Variants in CDH12 observed in about 807,000 individuals in gnomAD.
CDH12 encodes cadherin 12, also known as cadherin-12.
A neutral mutation model predicts 74.1 loss-of-function variants in CDH12; 41 were observed. The observed-to-expected ratio is 0.55, with a 90% CI of 0.43 to 0.72. The LOEUF is 0.72. Ranked by LOEUF, CDH12 falls within the 30% of genes least tolerant of loss-of-function variation. CDH12 has a pLI of 0.00. For synonymous variants in CDH12, 399 were observed against 355.0 expected (o/e 1.12, Z -1.39); for missense variants, 945 against 977.2 (o/e 0.97, Z 0.44).
intron 2 of CDH12, among the ~76,000 whole-genome samples, chr5:22,439,364 A>C (rs558460856): frequency 1.3e-5 from 2 of 152,184 alleles, no homozygotes; most frequent in Admixed American, 6.6e-5. Flanking sequence ...AAATGCAAAA[A>C]ATCATTAAAT....
intron 1 of CDH12, among the ~76,000 whole-genome samples, chr5:22,601,378 G>A (rs1184996854): frequency 2.1e-5 from 3 of 142,702 alleles, no homozygotes; most frequent in East Asian, 2.2e-4. Flanking sequence ...ACACATAGAA[G>A]GAACAACAGA....
At position 21,798,435 on chromosome 5, in the gene CDH12, T is replaced by C. The variant is rs553067615; in HGVS notation, c.1256+3732A>G. Among the ~76,000 whole-genome samples, 4 of 152,302 alleles carry C rather than the reference T, an allele frequency of 2.6e-5. No individual in the cohort carries two copies. The South Asian group carries it at 8.3e-4, about 32-fold the overall frequency. On this transcript the variant is annotated intron_variant, in intron 10 of 14. Transcript: ENST00000382254. ...ATGTACGGGTGCTCAGTAATTGTTA[T>C]ACTTATTTCTTTTTAAAAGACAGAT... is the stretch of plus-strand genomic sequence containing the variant.
chr5:22,346,228 T>C (rs1041253348), intron 3 of CDH12, among the ~76,000 whole-genome samples: 3 of 152,206 alleles, frequency 2.0e-5, no homozygotes, highest in Admixed American at 1.3e-4. Context: ...GGTGTCATTC[T>C]AGAAATTTGC....
chr5:22,465,147 C>T (rs1176932071), intron 2 of CDH12, among the ~76,000 whole-genome samples: 3 of 152,120 alleles, frequency 2.0e-5, no homozygotes, highest in African/African-American at 4.8e-5. Context: ...AAATTCAATA[C>T]TGACTTCTAT....
intron 5 of CDH12, among the ~76,000 whole-genome samples, chr5:22,022,153 C>T (rs1278861476): frequency 6.6e-6 from 1 of 152,134 alleles, no homozygotes; most frequent in Non-Finnish European, 1.5e-5. Context: ...TGACTTTAGA[C>T]ATCATATTTT....
intron 2 of CDH12, among the ~76,000 whole-genome samples, chr5:22,473,546 G>GAAGTA (rs1746052228): frequency 2.0e-5 from 3 of 152,086 alleles, no homozygotes; most frequent in Non-Finnish European, 4.4e-5. Flanking sequence ...CCTTATGAAT[G>GAAGTA]ATGATATAGA....
intron 3 of CDH12, among the ~76,000 whole-genome samples, chr5:22,334,024 T>C (rs774713510): frequency 4.6e-5 from 7 of 152,166 alleles, no homozygotes; most frequent in African/African-American, 1.2e-4. Context: ...TAGTATCACA[T>C]TGACTGGGTA....
chr5:22,763,488 T>G (rs1015033703), intron 1 of CDH12, among the ~76,000 whole-genome samples: 4 of 151,990 alleles, frequency 2.6e-5, no homozygotes, highest in South Asian at 2.1e-4. Flanking sequence ...ATTAGATGTC[T>G]GAAAGCAAAT....
At chr5:22,202,153 TCCTTCCTTCCTTCCTC>T (rs200363303) in intron 4 of CDH12, among the ~76,000 whole-genome samples, 36,465 of 99,662 alleles carry the variant, frequency 0.37, 7,338 homozygotes, top group East Asian at 0.69. Context: ...CTACTTTCCT[TCCTTCCTTCCTTCCTC>T]CCTTCCTTCC....
At chr5:22,316,025 A>T (rs1179297074) in intron 3 of CDH12, among the ~76,000 whole-genome samples, 1 of 152,154 alleles carries the variant, frequency 6.6e-6, no homozygotes, top group Non-Finnish European at 1.5e-5. Context: ...TAGGAATAAA[A>T]AAGTAACAGA....
At chr5:22,206,962 C>G (rs1281488806) in intron 4 of CDH12, among the ~76,000 whole-genome samples, 1 of 150,724 alleles carries the variant, frequency 6.6e-6, no homozygotes, top group Admixed American at 6.6e-5. Context: ...ACCTGTAATC[C>G]CAGCACTTTG....
intron 6 of CDH12, among the ~76,000 whole-genome samples, chr5:21,864,705 A>G (rs1451352891): frequency 6.6e-6 from 1 of 152,214 alleles, no homozygotes; most frequent in Non-Finnish European, 1.5e-5. Context: ...TGCGTAATGG[A>G]TGAGACTGGA....
intron 3 of CDH12, among the ~76,000 whole-genome samples, chr5:22,288,387 C>T (rs528280487): frequency 1.3e-5 from 2 of 152,210 alleles, no homozygotes; most frequent in Non-Finnish European, 2.9e-5. Context: ...CATGCGTATA[C>T]AGTTTGCCAG....
intron 4 of CDH12, among the ~76,000 whole-genome samples, chr5:22,092,741 C>T (rs1387510792): frequency 1.3e-5 from 2 of 152,144 alleles, no homozygotes; most frequent in South Asian, 2.1e-4. Flanking sequence ...AAATTTCACT[C>T]TTAGGTATCT....
chr5:22,787,938 A>C (rs1056085936), intron 1 of CDH12, among the ~76,000 whole-genome samples: 1 of 152,164 alleles, frequency 6.6e-6, no homozygotes, highest in Non-Finnish European at 1.5e-5. Context: ...TGACATACCA[A>C]CACTTTTGCT....
intron 6 of CDH12, among the ~76,000 whole-genome samples, chr5:21,913,075 T>C (rs1403297162): frequency 6.6e-6 from 1 of 152,154 alleles, no homozygotes; most frequent in East Asian, 1.9e-4. Context: ...ACTCCTGACC[T>C]CATGTGATCT....
chr5:22,687,581 A>G (rs1183433634), intron 1 of CDH12, among the ~76,000 whole-genome samples: 1 of 151,870 alleles, frequency 6.6e-6, no homozygotes, highest in Non-Finnish European at 1.5e-5. Context: ...GGACATATAT[A>G]TTTTAAATTT....
intron 6 of CDH12, among the ~76,000 whole-genome samples, chr5:21,910,265 C>T (rs1753805731): frequency 6.6e-6 from 1 of 152,072 alleles, no homozygotes; most frequent in Admixed American, 6.6e-5. Context: ...TTTATTGACT[C>T]ACATAACAAA....
At chr5:22,417,424 C>T (rs1743445386) in intron 2 of CDH12, among the ~76,000 whole-genome samples, 1 of 152,206 alleles carries the variant, frequency 6.6e-6, no homozygotes, top group South Asian at 2.1e-4. Flanking sequence ...CAGCCTCATC[C>T]AGCCTCTTTC....
Sources: gnomAD v4.1 joint callset for allele counts (sites outside exome capture counted in the v4.1 genomes callset) on GRCh38, gnomAD v4.1.1 for gene constraint, MANE v1.5 for transcripts, NCBI Gene and HGNC (gene_info 2026-07-23, HGNC 2026-07-21) for gene names.